DOK6: variants seen among roughly 807,000 people sequenced by gnomAD.
The protein encoded by DOK6 is docking protein 6.
Under a neutral mutation model 44.0 loss-of-function variants are expected in DOK6, and 22 were observed. That is an observed-to-expected ratio of 0.50 (90% CI 0.36 to 0.71). The LOEUF (loss-of-function observed/expected upper bound fraction) is 0.71. DOK6 is among the 30% of genes least tolerant of loss of function. The pLI is 0.00. For missense variants in DOK6, 340 were observed against 416.4 expected (o/e 0.82, Z 1.60); for synonymous variants, 166 against 145.5 (o/e 1.14, Z -1.01).
At chr18:69,589,588 A>G (rs952100139) in intron 2 of DOK6, among the ~76,000 whole-genome samples, 2 of 152,282 alleles carry the variant, frequency 1.3e-5, no homozygotes, top group South Asian at 4.1e-4. Flanking sequence ...AAAGAGGCAC[A>G]TTAAAGCTAA....
intron 5 of DOK6, among the ~76,000 whole-genome samples, chr18:69,727,454 G>C (rs188595592): frequency 1.9e-4 from 29 of 152,282 alleles, no homozygotes; most frequent in Admixed American, 6.5e-4. Flanking sequence ...AGCCTCTTTA[G>C]TGATAATGTG....
chr18:69,731,969 T>C (rs1482098951), intron 5 of DOK6, among the ~76,000 whole-genome samples: 1 of 152,168 alleles, frequency 6.6e-6, no homozygotes, highest in Non-Finnish European at 1.5e-5. Flanking sequence ...GAACAAGTCT[T>C]CCACCCAGGA....
intron 3 of DOK6, among the ~76,000 whole-genome samples, chr18:69,669,007 T>G (rs1985729768): frequency 6.6e-6 from 1 of 152,196 alleles, no homozygotes; most frequent in Non-Finnish European, 1.5e-5. Context: ...AGTTCCCTGA[T>G]ACTGTGGCAA....
chr18:69,543,981 T>C (rs1982334272), intron 1 of DOK6, among the ~76,000 whole-genome samples: 1 of 151,280 alleles, frequency 6.6e-6, no homozygotes, highest in Non-Finnish European at 1.5e-5. Flanking sequence ...GGACAAATGT[T>C]CCACATGATT....
intron 2 of DOK6, among the ~76,000 whole-genome samples, chr18:69,593,779 C>T (rs1425711252): frequency 6.6e-6 from 1 of 152,072 alleles, no homozygotes; most frequent in African/African-American, 2.4e-5. Context: ...CAAGTAAAAA[C>T]CTTTGGAAAA....
At chr18:69,813,945 A>G (rs1192174694) in intron 7 of DOK6, among the ~76,000 whole-genome samples, 1 of 152,190 alleles carries the variant, frequency 6.6e-6, no homozygotes, top group Non-Finnish European at 1.5e-5. Context: ...ATGTGAAAAT[A>G]TTATGAAACT....
chr18:69,692,152 T>G (rs933476515), intron 4 of DOK6, among the ~76,000 whole-genome samples: 1 of 152,174 alleles, frequency 6.6e-6, no homozygotes, highest in African/African-American at 2.4e-5. Flanking sequence ...AAAGAGCATA[T>G]TCTATCTTTC....
chr18:69,720,456 T>C (rs1423228148), intron 5 of DOK6, among the ~76,000 whole-genome samples: 1 of 152,214 alleles, frequency 6.6e-6, no homozygotes, highest in Admixed American at 6.5e-5. Context: ...GCTCAGGTGA[T>C]GAATAGAATC....
chr18:69,694,089 A>AAAAAAAAAAT (rs1372739323), intron 4 of DOK6, among the ~76,000 whole-genome samples: 1 of 144,244 alleles, frequency 6.9e-6, no homozygotes, highest in Non-Finnish European at 1.5e-5. Context: ...AAAAAAAAAA[A>AAAAAAAAAAT]ATTGATCTAT....
At chr18:69,490,093 G>A (rs569373845) in intron 1 of DOK6, among the ~76,000 whole-genome samples, 1 of 152,220 alleles carries the variant, frequency 6.6e-6, no homozygotes, top group Non-Finnish European at 1.5e-5. Context: ...CAAAAGAATT[G>A]TCCTGATATA....
At chr18:69,731,791 T>C (rs1482487194) in intron 5 of DOK6, among the ~76,000 whole-genome samples, 11 of 152,202 alleles carry the variant, frequency 7.2e-5, no homozygotes, top group Admixed American at 6.5e-4. Flanking sequence ...AATCGTAACA[T>C]GGCAGTTAAA....
intron 1 of DOK6, among the ~76,000 whole-genome samples, chr18:69,404,782 G>C (rs907873153): frequency 2.8e-5 from 3 of 108,030 alleles, no homozygotes; most frequent in African/African-American, 1.1e-4. Flanking sequence ...TCTCAGGATA[G>C]GGTGGTGTGT....
chr18:69,404,110 C>T (rs992494253), intron 1 of DOK6, among the ~76,000 whole-genome samples: 5 of 152,104 alleles, frequency 3.3e-5, no homozygotes, highest in African/African-American at 4.8e-5. Context: ...GATATGAGGC[C>T]GATTGCATCA....
At chr18:69,676,781 G>A (rs1291680357) in intron 3 of DOK6, among the ~76,000 whole-genome samples, 1 of 152,126 alleles carries the variant, frequency 6.6e-6, no homozygotes, top group Non-Finnish European at 1.5e-5. Context: ...CCAATGATTT[G>A]AGGCACAGAT....
At chr18:69,496,652 T>C (rs1279892464) in intron 1 of DOK6, among the ~76,000 whole-genome samples, 1 of 152,244 alleles carries the variant, frequency 6.6e-6, no homozygotes, top group African/African-American at 2.4e-5. Context: ...TATGACATTA[T>C]TACCAGAAAA....
Position 69,599,458 on chromosome 18 carries a change from C to A in DOK6, c.249C>A (p.Ile83=), listed in dbSNP as rs974750131. Residue 83 remains isoleucine (I), a synonymous_variant, in exon 3 of 8, where the codon ATC becomes ATA. Coordinates refer to ENST00000382713, the MANE Select transcript of DOK6 (RefSeq NM_152721.6). ...RETKKHAVAI[I]FHDETSKTFA... is the part of the protein sequence containing the mutation. ...CAAAGAAGCATGCGGTGGCAATCAT[C>A]TTTCACGATGAAACATCGAAGACAT... The A allele has an allele frequency of 1.2e-6, 2 of 1,614,020 alleles. No homozygotes were observed. Among genetic ancestry groups the A allele is most frequent in the East Asian group, 4.5e-5 (2 of 44,874 alleles).
intron 1 of DOK6, among the ~76,000 whole-genome samples, chr18:69,509,662 A>AAAC (rs1555708299): frequency 8.5e-6 from 1 of 118,216 alleles, no homozygotes; most frequent in African/African-American, 2.7e-5. Context: ...AAAAAAAAAA[A>AAAC]ACACACAAGT....
chr18:69,577,257 C>T (rs910981683), intron 2 of DOK6, among the ~76,000 whole-genome samples: 1 of 152,104 alleles, frequency 6.6e-6, no homozygotes, highest in African/African-American at 2.4e-5. Context: ...CTGTTGGACA[C>T]TCTACCCTCA....
intron 5 of DOK6, among the ~76,000 whole-genome samples, chr18:69,716,294 A>G (rs1986879175): frequency 6.6e-6 from 1 of 152,230 alleles, no homozygotes; most frequent in Non-Finnish European, 1.5e-5. Context: ...CTGTAAAGCC[A>G]TACTTTGAGG....
Sources: gnomAD v4.1 joint callset for allele counts (sites outside exome capture counted in the v4.1 genomes callset) on GRCh38, gnomAD v4.1.1 for gene constraint, MANE v1.5 for transcripts, NCBI Gene and HGNC (gene_info 2026-07-23, HGNC 2026-07-21) for gene names.